The following FUT8 variants were observed in gnomAD, a reference collection of about 807,000 sequenced individuals.
The protein encoded by FUT8 is fucosyltransferase 8, also known as alpha-(1,6)-fucosyltransferase.
In FUT8, 29 loss-of-function variants were observed where a neutral mutation model predicts 71.3. The ratio of observed to expected loss-of-function variants is 0.41; its 90% CI spans 0.30 to 0.55. The LOEUF is 0.55. Among genes scored for constraint, FUT8 ranks in the 20% least tolerant of loss-of-function variants. The probability of loss-of-function intolerance (pLI) is 0.34; values close to 1 mark genes in which losing one functional copy is unlikely to be tolerated. For missense variants in FUT8, 544 were observed against 702.1 expected (o/e 0.77, Z 2.55); for synonymous variants, 254 against 239.3 (o/e 1.06, Z -0.57).
intron 2 of FUT8, among the ~76,000 whole-genome samples, chr14:65,498,030 G>A (rs2066587480): frequency 2.0e-5 from 3 of 152,072 alleles, no homozygotes; most frequent in Admixed American, 1.3e-4. Context: ...TTTGGTCAGA[G>A]TCATTTTATT....
intron 2 of FUT8, among the ~76,000 whole-genome samples, chr14:65,525,286 T>C (rs1883373453): frequency 2.0e-5 from 3 of 152,220 alleles, no homozygotes; most frequent in African/African-American, 7.2e-5. Flanking sequence ...CCTGGTTTAG[T>C]CTTGGGAGGG....
chr14:65,542,406 T>A (rs925734818), intron 2 of FUT8, among the ~76,000 whole-genome samples: 1 of 152,208 alleles, frequency 6.6e-6, no homozygotes, highest in Non-Finnish European at 1.5e-5. Context: ...TAACATATTA[T>A]GTGTATTTGT....
chr14:65,639,197 T>A (rs1356069538), intron 6 of FUT8, among the ~76,000 whole-genome samples: 1 of 152,092 alleles, frequency 6.6e-6, no homozygotes, highest in Non-Finnish European at 1.5e-5. Flanking sequence ...GGGATTGCTA[T>A]ACTGGAAGTT....
At chr14:65,546,923 A>G (rs1885016699) in intron 2 of FUT8, among the ~76,000 whole-genome samples, 1 of 151,718 alleles carries the variant, frequency 6.6e-6, no homozygotes. Flanking sequence ...TCATTAGGCT[A>G]TTCAAGTAAT....
At chr14:65,657,839 C>A (rs1207535204) in intron 6 of FUT8, among the ~76,000 whole-genome samples, 2 of 152,092 alleles carry the variant, frequency 1.3e-5, no homozygotes, top group African/African-American at 4.8e-5. Flanking sequence ...GTTTGTAACA[C>A]AAAGGATGGC....
At chr14:65,412,689 C>T (rs879890838), upstream of FUT8, 72 of 187,218 alleles carry the variant, frequency 3.8e-4, 1 homozygote, top group Non-Finnish European at 6.6e-4. Flanking sequence ...GCATGCGCGC[C>T]CTCTCCCAGA....
chr14:65,502,234 TTTTTTTTTGAGACAGAATCTCACTC>T (rs2066657524), intron 2 of FUT8, among the ~76,000 whole-genome samples: 1 of 151,662 alleles, frequency 6.6e-6, no homozygotes, highest in African/African-American at 2.4e-5. Flanking sequence ...TATTGTTATT[TTTTTTTTTGAGACAGAATCTCACTC>T]TGTCACTCAG....
intron 3 of FUT8, among the ~76,000 whole-genome samples, chr14:65,591,491 A>C (rs1887683328): frequency 6.6e-6 from 1 of 152,202 alleles, no homozygotes; most frequent in African/African-American, 2.4e-5. Context: ...TGAAAGGATT[A>C]ACCTTCAGTT....
the FUT8 span, among the ~76,000 whole-genome samples, chr14:65,357,132 CT>C: frequency 1.5e-4 from 23 of 152,206 alleles, no homozygotes; most frequent in African/African-American, 4.8e-4. Flanking sequence ...ATTCAGTGTT[CT>C]TATCTCTAAA....
At chr14:65,366,423 C>T in the FUT8 span, among the ~76,000 whole-genome samples, 11 of 152,096 alleles carry the variant, frequency 7.2e-5, no homozygotes, top group African/African-American at 2.4e-4. Flanking sequence ...AGTTTTTCCC[C>T]GATGGCTTCT....
At chr14:65,508,036 G>A (rs1236118307) in intron 2 of FUT8, among the ~76,000 whole-genome samples, 2 of 149,126 alleles carry the variant, frequency 1.3e-5, no homozygotes, top group Non-Finnish European at 3.0e-5. Context: ...GTTTTGATTT[G>A]CATTTCTCTG....
At chr14:65,529,221 ATTTTTCTTTTTC>A (rs1215686016) in intron 2 of FUT8, 1 of 150,758 alleles carries the variant, frequency 6.6e-6, no homozygotes, top group Non-Finnish European at 1.5e-5. Context: ...TCCTGCCTCT[ATTTTTCTTTTTC>A]TTTTTCTTTT....
chr14:65,658,577 C>G (rs1287479088), intron 6 of FUT8, among the ~76,000 whole-genome samples: 2 of 152,094 alleles, frequency 1.3e-5, no homozygotes, highest in East Asian at 3.8e-4. Flanking sequence ...TAATAGAATA[C>G]TACCTAGTAA....
chr14:65,735,708 G>T (rs1362708714), intron 10 of FUT8, among the ~76,000 whole-genome samples: 1 of 152,096 alleles, frequency 6.6e-6, no homozygotes, highest in African/African-American at 2.4e-5. Context: ...TCCTTATCAT[G>T]TACCTTATTT....
At chr14:65,683,073 G>T (rs1182849005) in intron 7 of FUT8, among the ~76,000 whole-genome samples, 1 of 151,168 alleles carries the variant, frequency 6.6e-6, no homozygotes, top group African/African-American at 2.4e-5. Flanking sequence ...GAGTGCAGTG[G>T]CACCATCTCG....
chr14:65,370,599 A>G, the FUT8 span, among the ~76,000 whole-genome samples: 2 of 150,006 alleles, frequency 1.3e-5, no homozygotes, highest in African/African-American at 4.9e-5. Flanking sequence ...ATATATAAGT[A>G]TATGTATAAC....
At chr14:65,558,941 A>G (rs1160723194) in intron 2 of FUT8, among the ~76,000 whole-genome samples, 1 of 152,196 alleles carries the variant, frequency 6.6e-6, no homozygotes, top group African/African-American at 2.4e-5. Context: ...AAACTCAAGT[A>G]TTATCAATAT....
chr14:65,632,690 C>G lies in FUT8; in HGVS notation c.597+3084C>G, dbSNP rs150395147. Among the ~76,000 whole-genome samples the G allele has an allele frequency of 7.9e-3, 1,198 of 152,184 alleles. 9 individuals are homozygous for G. The highest frequency in any genetic ancestry group is 0.024 in the African/African-American group (983 of 41,506). On this transcript the variant is annotated intron_variant, in intron 6 of 10. Transcript: ENST00000673929. ...TTGTGTGTTTACTCTGCTGACTGTT[C>G]CTTTTGCTGTGCAAAAACTCTTTAG...
intron 2 of FUT8, among the ~76,000 whole-genome samples, chr14:65,523,675 T>A (rs1883241735): frequency 6.6e-6 from 1 of 152,230 alleles, no homozygotes; most frequent in African/African-American, 2.4e-5. Flanking sequence ...TGGTATCGCC[T>A]AGGTTTTCTT....
Sources: allele counts gnomAD v4.1 joint callset (sites outside exome capture counted in the v4.1 genomes callset), GRCh38; gene constraint gnomAD v4.1.1; transcripts MANE v1.5; gene names NCBI Gene and HGNC (gene_info 2026-07-23, HGNC 2026-07-21).